Variants in CTDP1 observed in about 807,000 individuals in gnomAD.
The protein encoded by CTDP1 is RNA polymerase II subunit A C-terminal domain phosphatase.
In CTDP1, 47 loss-of-function variants were observed where a neutral mutation model predicts 91.8. The ratio of observed to expected loss-of-function variants is 0.51; its 90% CI spans 0.41 to 0.65. The LOEUF is 0.65. CTDP1 is among the 30% of genes least tolerant of loss of function. The pLI, the probability that CTDP1 is intolerant of heterozygous loss-of-function variation, is 0.00. For missense variants in CTDP1, 1,272 were observed against 1,373.7 expected, an observed-to-expected ratio of 0.93 and a Z score of 1.17; for synonymous variants, 656 against 598.5, an observed-to-expected ratio of 1.10 and a Z score of -1.40.
chr18:79,742,594 G>A (rs979115679), intron 12 of CTDP1, among the ~76,000 whole-genome samples: 1 of 152,244 alleles, frequency 6.6e-6, no homozygotes, highest in Admixed American at 6.5e-5. Context: ...ATGTAACTCT[G>A]TAAGGTAGCG....
chr18:79,688,082 A>T (rs1274956455), intron 1 of CTDP1, among the ~76,000 whole-genome samples: 1 of 152,220 alleles, frequency 6.6e-6, no homozygotes, highest in Non-Finnish European at 1.5e-5. Flanking sequence ...CAGTTTCAGT[A>T]ACCGCTGCCA....
At chr18:79,698,588 G>A (rs1340626137) in intron 4 of CTDP1, among the ~76,000 whole-genome samples, 2 of 152,200 alleles carry the variant, frequency 1.3e-5, no homozygotes, top group Non-Finnish European at 2.9e-5. Context: ...TTTCTAGACC[G>A]AAGGCTTTGA....
intron 11 of CTDP1, chr18:79,735,910 C>CA: frequency 4.8e-6 from 1 of 206,952 alleles, no homozygotes; most frequent in Non-Finnish European, 1.0e-5. Context: ...GGCACGGCCA[C>CA]GTCTCCACCC....
upstream of CTDP1, chr18:79,678,433 G>A (rs1400322908): frequency 6.6e-6 from 1 of 152,186 alleles, no homozygotes; most frequent in East Asian, 1.9e-4. Flanking sequence ...TCACAAACAA[G>A]TTCCTATTAG....
chr18:79,746,322 TCCCCGCGTCCCTCCCGTGCGCGTTCTGA>T (rs1568219975), intron 12 of CTDP1, among the ~76,000 whole-genome samples: 14 of 40,228 alleles, frequency 3.5e-4, no homozygotes, highest in African/African-American at 4.3e-4. Flanking sequence ...GCGCGTTCTG[TCCCCGCGTCCCTCCCGTGCGCGTTCTGA>T]CCCTGCGTCC....
At chr18:79,688,816 A>G (rs642810) in intron 1 of CTDP1, among the ~76,000 whole-genome samples, 30,776 of 152,288 alleles carry the variant, frequency 0.2, 3,346 homozygotes, top group Middle Eastern at 0.3. Flanking sequence ...CTGGGATTAC[A>G]GGCGTGAGCC....
At chr18:79,679,293 G>GT, upstream of CTDP1, 1 of 410,796 alleles carries the variant, frequency 2.4e-6, no homozygotes, top group African/African-American at 2.0e-5. Flanking sequence ...TCCGGGGGGG[G>GT]ACACGAGGCG....
intron 12 of CTDP1, among the ~76,000 whole-genome samples, chr18:79,747,561 C>T (rs1453263501): frequency 6.6e-6 from 1 of 152,224 alleles, no homozygotes; most frequent in Non-Finnish European, 1.5e-5. Context: ...CTGGTGGGTT[C>T]CTTCCAGGTC....
intron 4 of CTDP1, among the ~76,000 whole-genome samples, chr18:79,699,029 T>A (rs1185057177): frequency 3.9e-5 from 6 of 152,150 alleles, no homozygotes; most frequent in Admixed American, 3.3e-4. Flanking sequence ...ACTCTCGCGT[T>A]TTATGCTGTT....
chr18:79,705,193 G>A lies in CTDP1; in HGVS notation c.772+276G>A, dbSNP rs112301532. Among the ~76,000 whole-genome samples, 2,176 of 152,216 alleles carry A rather than the reference G, an allele frequency of 0.014. 53 individuals are homozygous for A. Among genetic ancestry groups the A allele is most frequent in the African/African-American group, 0.049 (2,038 of 41,534 alleles). On this transcript the variant is annotated intron_variant, in intron 5 of 12. Transcript: ENST00000613122. ...TGGGCACGTGGAAACTTCTGCGAGC[G>A]TCCTCCGACAGATACCTTCTTAAAT...
At chr18:79,746,286 G>A (rs1279897627) in intron 12 of CTDP1, among the ~76,000 whole-genome samples, 1 of 95,318 alleles carries the variant, frequency 1.0e-5, no homozygotes, top group African/African-American at 4.1e-5. Context: ...CCTCCCGTGC[G>A]CGTTCTGTCC....
At position 79,704,577 on chromosome 18, in the gene CTDP1, T is replaced by G. The variant is rs371693125; in HGVS notation, c.622-190T>G. 3.9e-4 allele frequency among the ~76,000 whole-genome samples: 59 copies of G among 151,394 alleles called. No homozygotes were observed. In the East Asian group the frequency reaches 9.4e-3, roughly 24 times the overall value. On this transcript the variant is annotated intron_variant, in intron 4 of 12. Coordinates refer to ENST00000613122, the MANE Select transcript of CTDP1 (RefSeq NM_004715.5). ...TCCCATGTGGAGGGATGGGCACATG[T>G]GTGTCTTCAGGACGCCTGTCTCAGG...
intron 12 of CTDP1, among the ~76,000 whole-genome samples, chr18:79,738,010 GCAGGTCCCC>G (rs2086700588): frequency 2.3e-5 from 1 of 42,576 alleles, no homozygotes; most frequent in African/African-American, 9.9e-5. Flanking sequence ...GGCCTCCCCC[GCAGGTCCCC>G]GCCTCCCCCC....
At chr18:79,690,151 C>G (rs1388072433) in intron 1 of CTDP1, among the ~76,000 whole-genome samples, 1 of 152,196 alleles carries the variant, frequency 6.6e-6, no homozygotes, top group Non-Finnish European at 1.5e-5. Flanking sequence ...CCCTCCTGAT[C>G]TGTAGAAGGA....
At chr18:79,700,425 AAG>A (rs1163021370) in intron 4 of CTDP1, among the ~76,000 whole-genome samples, 1 of 152,244 alleles carries the variant, frequency 6.6e-6, no homozygotes, top group Non-Finnish European at 1.5e-5. Context: ...ATTGCTGAGA[AAG>A]AGAAAGTTTT....
intron 11 of CTDP1, among the ~76,000 whole-genome samples, chr18:79,731,593 G>A (rs2086567438): frequency 6.6e-6 from 1 of 152,148 alleles, no homozygotes; most frequent in Non-Finnish European, 1.5e-5. Context: ...CTGCTTTCAA[G>A]GAAAACCCGT....
At chr18:79,737,345 G>T (rs1313227385) in intron 12 of CTDP1, among the ~76,000 whole-genome samples, 1 of 152,220 alleles carries the variant, frequency 6.6e-6, no homozygotes, top group African/African-American at 2.4e-5. Context: ...TCTTAACCCT[G>T]TGTCTTTTCC....
chr18:79,711,841 C>T (rs1215072059), intron 6 of CTDP1, among the ~76,000 whole-genome samples: 4 of 152,134 alleles, frequency 2.6e-5, no homozygotes, highest in African/African-American at 4.8e-5. Context: ...TATGCTTTGA[C>T]GTTTCTTGCC....
intron 1 of CTDP1, among the ~76,000 whole-genome samples, chr18:79,693,083 C>T (rs1391327949): frequency 2.0e-5 from 3 of 152,140 alleles, no homozygotes; most frequent in Non-Finnish European, 4.4e-5. Context: ...ATGTGGAGGC[C>T]CCGAGTGCGA....
Sources: gnomAD v4.1 joint callset for allele counts (sites outside exome capture counted in the v4.1 genomes callset) on GRCh38, gnomAD v4.1.1 for gene constraint, MANE v1.5 for transcripts, NCBI Gene and HGNC (gene_info 2026-07-23, HGNC 2026-07-21) for gene names.